CNBD1: variants seen among roughly 807,000 people sequenced by gnomAD.
CNBD1 encodes cyclic nucleotide binding domain containing 1.
A neutral mutation model predicts 54.4 loss-of-function variants in CNBD1; 71 were observed. The ratio of observed to expected loss-of-function variants is 1.30; its 90% CI spans 1.08 to 1.59. The LOEUF is 1.59. Ranked by LOEUF, CNBD1 falls within the 40% of genes most tolerant of loss-of-function variation. The pLI is 0.00. For missense variants in CNBD1, 659 were observed against 518.0 expected (o/e 1.27, Z -2.64); for synonymous variants, 182 against 170.7 (o/e 1.07, Z -0.51).
intron 10 of CNBD1, among the ~76,000 whole-genome samples, chr8:87,374,679 T>C (rs559894345): frequency 3.4e-4 from 52 of 151,924 alleles, no homozygotes; most frequent in Non-Finnish European, 6.2e-4. Context: ...GAACATATTA[T>C]TGCCTGGCCA....
chr8:87,234,644 G>T (rs1013933915), intron 5 of CNBD1, among the ~76,000 whole-genome samples: 3 of 152,100 alleles, frequency 2.0e-5, no homozygotes, highest in African/African-American at 7.2e-5. Flanking sequence ...AGGCTTGGTT[G>T]TTCCATTTAT....
rs1322427987 is a variant in CNBD1, at chr8:87,182,733, A to C, written c.432-23260A>C. On this transcript the variant is annotated intron_variant, in intron 4 of 10. Coordinates refer to ENST00000518476, the MANE Select transcript of CNBD1 (RefSeq NM_173538.3). This position sits in a 1 kb window ranked among gnomAD's most constrained non-coding sequence, Gnocchi z 4.1. ...GTTCATGTCTTCTGCCCATTTTTAA[A>C]TGGGGTTGTTTGCTTTTGCTTGTTG... 6.6e-6 allele frequency among the ~76,000 whole-genome samples: 1 copy of C among 152,084 alleles called. No homozygotes were observed. The highest frequency in any genetic ancestry group is 1.5e-5 in the Non-Finnish European group (1 of 68,010).
At chr8:87,148,287 CA>C (rs1308486738) in intron 4 of CNBD1, among the ~76,000 whole-genome samples, 1 of 151,918 alleles carries the variant, frequency 6.6e-6, no homozygotes, top group Non-Finnish European at 1.5e-5. Flanking sequence ...TTACATTTTT[CA>C]AAAACTTTCT....
chr8:86,946,596 T>A (rs1807471451), intron 4 of CNBD1, among the ~76,000 whole-genome samples: 2 of 152,156 alleles, frequency 1.3e-5, no homozygotes, highest in South Asian at 4.1e-4. Context: ...TAGTGTAAGT[T>A]CTTTCTTATT....
At chr8:87,265,873 A>G (rs1055173035) in intron 6 of CNBD1, among the ~76,000 whole-genome samples, 2 of 152,138 alleles carry the variant, frequency 1.3e-5, no homozygotes, top group Non-Finnish European at 2.9e-5. Flanking sequence ...TGAGTAAAAT[A>G]TTAGAAAACA....
intron 4 of CNBD1, among the ~76,000 whole-genome samples, chr8:87,161,608 GAT>G (rs1812860118): frequency 6.6e-6 from 1 of 152,100 alleles, no homozygotes; most frequent in African/African-American, 2.4e-5. Flanking sequence ...AAATAGGAAA[GAT>G]AGAGATCTTG....
intron 4 of CNBD1, among the ~76,000 whole-genome samples, chr8:86,958,105 G>A (rs1328732486): frequency 6.6e-6 from 1 of 152,176 alleles, no homozygotes; most frequent in African/African-American, 2.4e-5. Context: ...TCATTCAGGA[G>A]CAGGTTGTTC....
chr8:87,124,151 A>G (rs1483859173), intron 4 of CNBD1, among the ~76,000 whole-genome samples: 5 of 151,656 alleles, frequency 3.3e-5, no homozygotes, highest in Non-Finnish European at 7.4e-5. Context: ...ACACTGACAA[A>G]AAAGACAAGG....
intron 4 of CNBD1, among the ~76,000 whole-genome samples, chr8:87,075,260 A>G (rs1810844894): frequency 6.6e-6 from 1 of 152,200 alleles, no homozygotes; most frequent in South Asian, 2.1e-4. Context: ...GGTAAAACAT[A>G]TAGGATGCCC....
At chr8:87,003,149 A>T (rs897654909) in intron 4 of CNBD1, among the ~76,000 whole-genome samples, 11 of 152,166 alleles carry the variant, frequency 7.2e-5, no homozygotes, top group Admixed American at 7.2e-4. Context: ...GATCTGAAAA[A>T]CAATATTAAA....
At chr8:86,878,621 C>T (rs1159350927) in intron 1 of CNBD1, among the ~76,000 whole-genome samples, 1 of 152,000 alleles carries the variant, frequency 6.6e-6, no homozygotes, top group East Asian at 1.9e-4. Context: ...GTTGTTTAAC[C>T]CCGCCTTTCA....
At chr8:87,343,997 T>C (rs1402806985) in intron 8 of CNBD1, among the ~76,000 whole-genome samples, 1 of 152,096 alleles carries the variant, frequency 6.6e-6, no homozygotes, top group Admixed American at 6.6e-5. Context: ...GCTCTTTGCT[T>C]AGGTTTTGAT....
At chr8:86,934,124 C>T (rs192495114) in intron 3 of CNBD1, among the ~76,000 whole-genome samples, 17 of 152,176 alleles carry the variant, frequency 1.1e-4, no homozygotes, top group Admixed American at 1.1e-3. Flanking sequence ...TTTTATGTCT[C>T]AGCTTAAATC....
chr8:86,926,012 T>C (rs1019410287), intron 3 of CNBD1, among the ~76,000 whole-genome samples: 1 of 152,166 alleles, frequency 6.6e-6, no homozygotes, highest in African/African-American at 2.4e-5. Context: ...TATTCCCTTA[T>C]TGTCCCCTCC....
chr8:86,941,045 T>C (rs1431883833), intron 4 of CNBD1, among the ~76,000 whole-genome samples: 2 of 152,206 alleles, frequency 1.3e-5, no homozygotes, highest in Non-Finnish European at 2.9e-5. Context: ...TCTCAGAATG[T>C]ATCCCCGTTG....
chr8:87,332,767 T>C (rs1481616518), intron 8 of CNBD1, among the ~76,000 whole-genome samples: 1 of 152,170 alleles, frequency 6.6e-6, no homozygotes, highest in East Asian at 1.9e-4. Flanking sequence ...ACCATGCTGT[T>C]TTGGTTACTG....
At chr8:87,153,288 T>G (rs1363184093) in intron 4 of CNBD1, among the ~76,000 whole-genome samples, 1 of 152,334 alleles carries the variant, frequency 6.6e-6, no homozygotes, top group South Asian at 2.1e-4. Flanking sequence ...TATATCAGAC[T>G]GCCATTTCTA....
rs561201021 is a variant in CNBD1 at position 86,987,170 on chromosome 8, C to A, written c.431+47416C>A. ...ATGGAATGTTTTTCCATTTATTTGT[C>A]TCATCTCTGATTTCTTTCATCAGTG... On this transcript the variant is annotated intron_variant, in intron 4 of 10. Coordinates refer to ENST00000518476, the MANE Select transcript of CNBD1 (RefSeq NM_173538.3). Among the ~76,000 whole-genome samples, 346 of 152,098 alleles carry A rather than the reference C, an allele frequency of 2.3e-3. 1 individual carries two copies. Among genetic ancestry groups the A allele is most frequent in the Non-Finnish European group, 3.7e-3 (252 of 67,968 alleles).
intron 5 of CNBD1, among the ~76,000 whole-genome samples, chr8:87,224,360 G>T (rs1190417432): frequency 6.6e-6 from 1 of 151,226 alleles, no homozygotes; most frequent in Non-Finnish European, 1.5e-5. Context: ...TTCTTCTAGG[G>T]TTTTTATGGT....
Sources: allele counts gnomAD v4.1 joint callset (sites outside exome capture counted in the v4.1 genomes callset), GRCh38; gene constraint gnomAD v4.1.1; non-coding constraint Gnocchi (gnomAD v3.1); transcripts MANE v1.5; gene names NCBI Gene and HGNC (gene_info 2026-07-23, HGNC 2026-07-21).